Variants in EPB41L5 observed in about 807,000 individuals in gnomAD.
EPB41L5 encodes band 4.1-like protein 5.
In EPB41L5, 55 loss-of-function variants were observed where a neutral mutation model predicts 106.6. The observed-to-expected ratio is 0.52, with a 90% CI of 0.42 to 0.65. The LOEUF (loss-of-function observed/expected upper bound fraction) is 0.65. Among genes scored for constraint, EPB41L5 ranks in the 30% least tolerant of loss-of-function variants. EPB41L5 has a pLI of 0.00. For synonymous variants in EPB41L5, 297 were observed against 306.7 expected (o/e 0.97, Z 0.33); for missense variants, 871 against 882.1 (o/e 0.99, Z 0.16).
intron 16 of EPB41L5, chr2:120,104,613 G>C (rs1293086855): frequency 1.0e-6 from 1 of 990,474 alleles, no homozygotes; most frequent in Non-Finnish European, 1.2e-6. Context: ...GAGGTTAAAA[G>C]AATCAGACAC....
intron 2 of EPB41L5, among the ~76,000 whole-genome samples, chr2:120,029,186 A>G (rs1678538569): frequency 1.3e-5 from 2 of 152,054 alleles, no homozygotes. Context: ...TGTTTCTGAG[A>G]TGGAGTCTCA....
chr2:120,021,921 G>C (rs1286041944), intron 2 of EPB41L5, among the ~76,000 whole-genome samples: 3 of 152,076 alleles, frequency 2.0e-5, no homozygotes, highest in Non-Finnish European at 4.4e-5. Flanking sequence ...TTACGATAAG[G>C]GTCTAGGATA....
At position 120,127,803 on chromosome 2, in the gene EPB41L5, G is replaced by A. The variant is rs1416718493; in HGVS notation, c.1453G>A (p.Val485Ile). Residue 485 changes from valine (V) to isoleucine (I), a missense_variant, in exon 17 of 25, where the codon GTA becomes ATA. By Grantham distance (29) the Val-to-Ile change is conservative. Coordinates refer to ENST00000263713, the MANE Select transcript of EPB41L5 (RefSeq NM_020909.4). ...ATCCCAAGCACTGAATGACGTTAAT[G>A]TAGCCACCAGGCTTCCGGGATTAGG... ...ETSQALNDVNVATRLPGLGEP... is the reference protein window; with the variant it reads ...ETSQALNDVNIATRLPGLGEP... 1.9e-6 allele frequency: 3 copies of A among 1,613,114 alleles called. No homozygotes were observed. The highest frequency in any genetic ancestry group is 2.5e-6 in the Non-Finnish European group (3 of 1,179,340).
intron 3 of EPB41L5, among the ~76,000 whole-genome samples, chr2:120,066,392 T>C (rs1487402547): frequency 3.3e-5 from 5 of 152,250 alleles, no homozygotes; most frequent in African/African-American, 1.2e-4. Context: ...CAATTTATAA[T>C]GTCTAATAAC....
intron 2 of EPB41L5, among the ~76,000 whole-genome samples, chr2:120,038,563 C>G (rs936925874): frequency 1.3e-5 from 2 of 152,152 alleles, no homozygotes; most frequent in Non-Finnish European, 2.9e-5. Flanking sequence ...TCAAGACCAG[C>G]CTGGCCAACA....
At chr2:120,023,823 G>A (rs1192719842) in intron 2 of EPB41L5, among the ~76,000 whole-genome samples, 1 of 152,260 alleles carries the variant, frequency 6.6e-6, no homozygotes, top group Admixed American at 6.5e-5. Context: ...AGCATGGAAT[G>A]TTTTCCATTT....
chr2:120,127,109 G>A (rs1286547333), intron 16 of EPB41L5, among the ~76,000 whole-genome samples: 2 of 151,984 alleles, frequency 1.3e-5, no homozygotes, highest in East Asian at 3.8e-4. Context: ...CTTGTATTCT[G>A]CAACTTTGTG....
At chr2:120,027,526 T>G (rs1678408878) in intron 2 of EPB41L5, among the ~76,000 whole-genome samples, 1 of 152,130 alleles carries the variant, frequency 6.6e-6, no homozygotes, top group Non-Finnish European at 1.5e-5. Flanking sequence ...GCAGCCTGAG[T>G]GAGTGGGAAC....
At chr2:120,061,746 T>C (rs567296907) in intron 3 of EPB41L5, among the ~76,000 whole-genome samples, 1 of 152,346 alleles carries the variant, frequency 6.6e-6, no homozygotes, top group African/African-American at 2.4e-5. Context: ...TATATTATGC[T>C]TTTAGAAAAG....
intron 7 of EPB41L5, 60 bp downstream of exon 7, chr2:120,075,813 T>C (rs1682194433): frequency 1.5e-6 from 2 of 1,333,458 alleles, no homozygotes; most frequent in Non-Finnish European, 2.2e-6. Flanking sequence ...TGTGTGTTTT[T>C]AGTTAAAGAA....
At chr2:120,161,033 C>A in intron 21 of EPB41L5, 59 bp downstream of exon 21, 2 of 1,226,964 alleles carry the variant, frequency 1.6e-6, no homozygotes, top group Non-Finnish European at 2.4e-6. Context: ...TTGAATCTTG[C>A]AGTATAACCA....
At chr2:120,057,319 C>T (rs183501790) in intron 3 of EPB41L5, among the ~76,000 whole-genome samples, 2 of 152,290 alleles carry the variant, frequency 1.3e-5, no homozygotes, top group African/African-American at 4.8e-5. Flanking sequence ...TTTTAGTGGA[C>T]TGCAGAATAC....
intron 19 of EPB41L5, among the ~76,000 whole-genome samples, chr2:120,144,092 T>C (rs772796563): frequency 1.2e-4 from 19 of 152,196 alleles, no homozygotes; most frequent in Non-Finnish European, 1.9e-4. Flanking sequence ...TAATAGTTAT[T>C]ATTTGCTATG....
intron 20 of EPB41L5, among the ~76,000 whole-genome samples, chr2:120,150,740 A>G (rs1686635466): frequency 6.6e-6 from 1 of 151,952 alleles, no homozygotes; most frequent in South Asian, 2.1e-4. Context: ...GGAGTCCTTG[A>G]TTGAATATCA....
intron 20 of EPB41L5, among the ~76,000 whole-genome samples, chr2:120,152,921 G>GT (rs1558909212): frequency 6.6e-6 from 1 of 152,056 alleles, no homozygotes; most frequent in African/African-American, 2.4e-5. Context: ...CTTTTTATTT[G>GT]TTTTTTACTG....
At chr2:120,036,509 A>G (rs1180736526) in intron 2 of EPB41L5, among the ~76,000 whole-genome samples, 1 of 152,192 alleles carries the variant, frequency 6.6e-6, no homozygotes, top group Non-Finnish European at 1.5e-5. Context: ...TAAGGAGACA[A>G]ATGAGCGCAA....
chr2:120,098,771 T>A (rs755258288), intron 14 of EPB41L5, among the ~76,000 whole-genome samples: 1 of 152,228 alleles, frequency 6.6e-6, no homozygotes, highest in Non-Finnish European at 1.5e-5. Context: ...CCCAGCGTTT[T>A]AGCAGGGCCT....
chr2:120,106,558 C>T, intron 16 of EPB41L5: 3 of 985,346 alleles, frequency 3.0e-6, no homozygotes, highest in Non-Finnish European at 2.4e-6. Context: ...CTTACTGGGT[C>T]ACCATCCTTT....
chr2:120,178,340 C>A lies in EPB41L5; in HGVS notation c.*3433C>A, dbSNP rs777614012. ...CTTATTCACACATGTGGCAGCTGAACGAGGTGCTGTTGTGGGTGTCTCAGC... is the reference window on the plus strand; with the variant it reads ...CTTATTCACACATGTGGCAGCTGAAAGAGGTGCTGTTGTGGGTGTCTCAGC... On this transcript the variant is annotated 3_prime_UTR_variant, in exon 25 of 25. Transcript: ENST00000263713. The A allele has an allele frequency of 5.9e-5, 9 of 152,292 alleles. No homozygotes were observed. Among genetic ancestry groups the A allele is most frequent in the African/African-American group, 1.9e-4 (8 of 41,548 alleles). 9.4% of individuals were successfully genotyped at this position (152,292 alleles called of 1,614,324 possible). A position where few individuals can be genotyped will look rare whatever the true frequency, so the allele number is the denominator to read the frequency against.
Sources: gnomAD v4.1 joint callset for allele counts (sites outside exome capture counted in the v4.1 genomes callset) on GRCh38, gnomAD v4.1.1 for gene constraint, MANE v1.5 for transcripts, NCBI Gene and HGNC (gene_info 2026-07-23, HGNC 2026-07-21) for gene names.